SSBP3: variants seen among roughly 807,000 people sequenced by gnomAD.
SSBP3 encodes single stranded DNA binding protein 3.
In SSBP3, 5 loss-of-function variants were observed where a neutral mutation model predicts 69.6. The ratio of observed to expected loss-of-function variants is 0.07; its 90% confidence interval spans 0.04 to 0.15. The LOEUF (loss-of-function observed/expected upper bound fraction) is 0.15. Among genes scored for constraint, SSBP3 ranks in the 10% least tolerant of loss-of-function variants. The probability of loss-of-function intolerance (pLI) is 1.00; values close to 1 mark genes in which losing one functional copy is unlikely to be tolerated. For synonymous variants in SSBP3, 196 were observed against 193.4 expected, an observed-to-expected ratio of 1.01 and a Z score of -0.11; for missense variants, 312 against 534.0, an observed-to-expected ratio of 0.58 and a Z score of 4.10.
At chr1:54,387,431 C>T (rs1475585021) in intron 4 of SSBP3, among the ~76,000 whole-genome samples, 1 of 152,158 alleles carries the variant, frequency 6.6e-6, no homozygotes, top group Non-Finnish European at 1.5e-5. Context: ...TGCTGAAATC[C>T]CTCCTACTCT....
intron 4 of SSBP3, among the ~76,000 whole-genome samples, chr1:54,351,233 A>G (rs776007951): frequency 1.5e-4 from 23 of 152,362 alleles, no homozygotes; most frequent in Non-Finnish European, 2.8e-4. Flanking sequence ...TCGAAAAGTT[A>G]GCACAAAGTT....
intron 9 of SSBP3, among the ~76,000 whole-genome samples, chr1:54,246,583 C>T (rs937742815): frequency 1.3e-5 from 2 of 152,204 alleles, no homozygotes; most frequent in African/African-American, 4.8e-5. Flanking sequence ...AGCTGGGAGG[C>T]TCCAAGTGCA....
At chr1:54,274,097 A>AAGT (rs1645243215) in intron 5 of SSBP3, among the ~76,000 whole-genome samples, 1 of 152,194 alleles carries the variant, frequency 6.6e-6, no homozygotes, top group Non-Finnish European at 1.5e-5. Flanking sequence ...CTTCCCCAGT[A>AAGT]GGAGGCTGCA....
In SSBP3 at chr1:54,404,900, C is replaced by A. The variant is rs778652983; in HGVS notation, c.87G>T (p.Leu29=). The change falls in exon 2 of 18, where the codon CTG becomes CTT. Residue 29 remains leucine (L), a synonymous_variant. Coordinates refer to ENST00000610401, the Ensembl canonical transcript of SSBP3. Reference sequence around the variant, plus strand: ...GTGCAGATTTCTGTGCTCCTACGTGCAGTAAATATTCGTAGACGTATAAAG... The same window carrying A: ...GTGCAGATTTCTGTGCTCCTACGTGAAGTAAATATTCGTAGACGTATAAAG... 8 of 1,612,606 alleles carry A rather than the reference C, an allele frequency of 5.0e-6. No individual in the cohort carries two copies. In the Admixed American group the frequency reaches 1.3e-4, roughly 27 times the overall value.
chr1:54,239,782 C>T (rs1157914014), intron 13 of SSBP3, among the ~76,000 whole-genome samples: 1 of 152,166 alleles, frequency 6.6e-6, no homozygotes, highest in African/African-American at 2.4e-5. Flanking sequence ...ATCCCGGCTG[C>T]GGCCAGCTCC....
intron 4 of SSBP3, among the ~76,000 whole-genome samples, chr1:54,316,706 AAAT>A (rs1327045651): frequency 2.5e-5 from 2 of 81,632 alleles, no homozygotes; most frequent in South Asian, 4.0e-4. Context: ...ATAAATAAAT[AAAT>A]AAAATAAAAT....
chr1:54,249,844 G>T (rs979301167), intron 9 of SSBP3, among the ~76,000 whole-genome samples: 10 of 151,570 alleles, frequency 6.6e-5, no homozygotes, highest in Non-Finnish European at 1.5e-4. Flanking sequence ...TCCAGGTCAG[G>T]CACAGTTCTT....
intron 4 of SSBP3, among the ~76,000 whole-genome samples, chr1:54,360,047 C>T (rs1310269243): frequency 6.6e-6 from 1 of 152,172 alleles, no homozygotes; most frequent in African/African-American, 2.4e-5. Flanking sequence ...TGACATATAC[C>T]ATGTGCTCAA....
chr1:54,283,785 T>C (rs565366843), intron 4 of SSBP3, among the ~76,000 whole-genome samples: 7 of 151,088 alleles, frequency 4.6e-5, no homozygotes, highest in South Asian at 2.1e-4. Context: ...GATCTCCCCA[T>C]CCCCCAGGTC....
At chr1:54,254,795 G>T (rs1374347961) in intron 7 of SSBP3, among the ~76,000 whole-genome samples, 1 of 152,178 alleles carries the variant, frequency 6.6e-6, no homozygotes, top group Admixed American at 6.5e-5. Flanking sequence ...TGAGGTCACA[G>T]GAAACTGGAA....
intron 5 of SSBP3, among the ~76,000 whole-genome samples, chr1:54,273,808 A>T (rs576386623): frequency 6.6e-6 from 1 of 152,322 alleles, no homozygotes; most frequent in Admixed American, 6.5e-5. Flanking sequence ...AGGGGGCTTC[A>T]TCACAGTAAC....
chr1:54,225,719 T>A (rs1190341781), exon 18 of SSBP3: 1 of 180,890 alleles, frequency 5.5e-6, no homozygotes, highest in African/African-American at 2.3e-5. Flanking sequence ...TACAAAGAAT[T>A]CGGGTGTCTT....
chr1:54,281,603 G>T (rs970739692), intron 4 of SSBP3, 76 bp from the exon 5 acceptor site: 3 of 1,357,178 alleles, frequency 2.2e-6, no homozygotes, highest in Admixed American at 2.0e-5. Flanking sequence ...CCTGGACTTG[G>T]CTCTCCCTGT....
intron 13 of SSBP3, among the ~76,000 whole-genome samples, chr1:54,240,047 GGTGTGTGTGTGTGTGTGT>G: frequency 1.3e-5 from 1 of 77,810 alleles, no homozygotes; most frequent in East Asian, 3.0e-4. Flanking sequence ...ATTGTGATGG[GGTGTGTGTGTGTGTGTGT>G]GTGTGTGTGT....
intron 4 of SSBP3, among the ~76,000 whole-genome samples, chr1:54,360,338 T>C (rs1646930933): frequency 1.3e-5 from 2 of 152,254 alleles, no homozygotes; most frequent in East Asian, 1.9e-4. Flanking sequence ...CTTTTGTTCA[T>C]TGCTTTATCA....
At chr1:54,401,900 A>G (rs1472148996) in exon 4 of SSBP3, 2 of 1,614,166 alleles carry the variant, frequency 1.2e-6, no homozygotes, top group Admixed American at 1.7e-5. Flanking sequence ...AATGTTCACA[A>G]GTGTCTCTCC....
chr1:54,231,321 G>C (rs756610597), intron 14 of SSBP3, among the ~76,000 whole-genome samples: 1 of 152,188 alleles, frequency 6.6e-6, no homozygotes, highest in Non-Finnish European at 1.5e-5. Flanking sequence ...TGTGCTTACT[G>C]GCTATTTGTA....
Position 54,258,241 on chromosome 1 carries a change from A to C in SSBP3, c.367-92T>G. The C allele has an allele frequency of 1.4e-5, 10 of 732,494 alleles. No individual in the cohort carries two copies. Among genetic ancestry groups the C allele is most frequent in the Non-Finnish European group, 1.5e-5 (8 of 529,354 alleles). The allele number at this position is 732,494 out of a possible 1,614,324, so 45.4% of individuals were successfully genotyped here. Reference sequence around the variant, plus strand: ...AAAGAACAAAAATTAAACCAAAACGAAGGGTGGGCGGCGGGCGTGCGGGGG... The same window carrying C: ...AAAGAACAAAAATTAAACCAAAACGCAGGGTGGGCGGCGGGCGTGCGGGGG... On this transcript the variant is annotated intron_variant, in intron 5 of 17. Coordinates refer to ENST00000610401, the Ensembl canonical transcript of SSBP3. This position sits in a 1 kb window ranked among gnomAD's most constrained non-coding sequence, Gnocchi z 4.5.
chr1:54,284,393 A>G lies in SSBP3; in HGVS notation c.277-2866T>C, dbSNP rs144503008. Among the ~76,000 whole-genome samples, 273 of 152,022 alleles carry G rather than the reference A, an allele frequency of 1.8e-3. No individual in the cohort carries two copies. In the East Asian group the frequency reaches 0.027, roughly 15 times the overall value. On this transcript the variant is annotated intron_variant, in intron 4 of 17. Transcript: ENST00000610401. ...GATCTAATTTTATGGCAAATCATTCATGTCCTTTGCTATTTGGGTATTTGA... is the reference window on the plus strand; with the variant it reads ...GATCTAATTTTATGGCAAATCATTCGTGTCCTTTGCTATTTGGGTATTTGA...
Sources: allele counts gnomAD v4.1 joint callset (sites outside exome capture counted in the v4.1 genomes callset), GRCh38; gene constraint gnomAD v4.1.1; non-coding constraint Gnocchi (gnomAD v3.1); transcripts MANE v1.5; gene names NCBI Gene and HGNC (gene_info 2026-07-23, HGNC 2026-07-21).